The following RNLS variants were observed in gnomAD, a reference collection of about 807,000 sequenced individuals.
RNLS encodes renalase.
Under a neutral mutation model 39.8 loss-of-function variants are expected in RNLS, and 39 were observed. The ratio of observed to expected loss-of-function variants is 0.98; its 90% CI spans 0.76 to 1.28. The LOEUF (loss-of-function observed/expected upper bound fraction) is 1.28, where lower values mean the gene tolerates loss of function less well. Among genes scored for constraint, RNLS ranks in the 50% most tolerant of loss-of-function variants. RNLS has a pLI of 0.00. For missense variants in RNLS, 410 were observed against 413.3 expected (o/e 0.99, Z 0.07); for synonymous variants, 147 against 150.7 (o/e 0.98, Z 0.18).
intron 6 of RNLS, among the ~76,000 whole-genome samples, chr10:88,306,968 CCACCATGAT>C (rs1844966171): frequency 6.6e-6 from 1 of 152,146 alleles, no homozygotes; most frequent in Non-Finnish European, 1.5e-5. Context: ...AAAATCTTAT[CCACCATGAT>C]CAAGTAGGCT....
chr10:88,542,538 A>G (rs2576156), intron 4 of RNLS, among the ~76,000 whole-genome samples: 150,975 of 152,220 alleles, frequency 0.99, 74,876 homozygotes, highest in East Asian at 1. Context: ...TGTCCATGTC[A>G]CAGAAAAGGT....
intron 4 of RNLS, among the ~76,000 whole-genome samples, chr10:88,524,956 C>CACATATATATATATAT (rs768939981): frequency 1.3e-4 from 10 of 76,288 alleles, no homozygotes; most frequent in South Asian, 1.1e-3. Flanking sequence ...ATGGCACACA[C>CACATATATATATATAT]ATACATATAT....
At chr10:88,342,686 TAATTA>T (rs1227539940) in intron 5 of RNLS, among the ~76,000 whole-genome samples, 4 of 152,202 alleles carry the variant, frequency 2.6e-5, no homozygotes, top group African/African-American at 4.8e-5. Context: ...GAAACCATTT[TAATTA>T]AATTAGGACT....
intron 4 of RNLS, among the ~76,000 whole-genome samples, chr10:88,404,544 G>C (rs1414798760): frequency 1.3e-5 from 2 of 152,038 alleles, no homozygotes; most frequent in Non-Finnish European, 2.9e-5. Context: ...AGTGACAATA[G>C]AATAGTAATG....
intron 5 of RNLS, among the ~76,000 whole-genome samples, chr10:88,314,855 G>GA (rs1205883303): frequency 6.6e-6 from 1 of 152,158 alleles, no homozygotes; most frequent in Non-Finnish European, 1.5e-5. Flanking sequence ...AAGTTTTAGT[G>GA]AAAAATTGTC....
intron 4 of RNLS, among the ~76,000 whole-genome samples, chr10:88,572,026 T>A (rs1488220526): frequency 6.6e-6 from 1 of 152,202 alleles, no homozygotes. Flanking sequence ...CACAAGTTTC[T>A]GGTGGCAGTG....
intron 4 of RNLS, among the ~76,000 whole-genome samples, chr10:88,562,518 T>C (rs1197618902): frequency 6.6e-6 from 1 of 152,102 alleles, no homozygotes; most frequent in Non-Finnish European, 1.5e-5. Context: ...CAGTTAGCTC[T>C]GGGGAATGGA....
At chr10:88,366,979 T>G (rs1218698235) in intron 4 of RNLS, among the ~76,000 whole-genome samples, 2 of 151,882 alleles carry the variant, frequency 1.3e-5, no homozygotes, top group Non-Finnish European at 2.9e-5. Context: ...GTTCATGAAT[T>G]GCTAATAAAA....
the RNLS span, among the ~76,000 whole-genome samples, chr10:88,229,641 A>G: frequency 7.4e-6 from 1 of 134,312 alleles, no homozygotes; most frequent in Non-Finnish European, 1.6e-5. Context: ...CCCAAAAGAA[A>G]CCCTTTGTCC....
chr10:88,558,987 T>C (rs1849019457), intron 4 of RNLS, among the ~76,000 whole-genome samples: 1 of 152,164 alleles, frequency 6.6e-6, no homozygotes, highest in Admixed American at 6.6e-5. Flanking sequence ...TGAAGCATAC[T>C]ATTTGATGAA....
chr10:88,400,764 T>C (rs1852863311), intron 4 of RNLS, among the ~76,000 whole-genome samples: 2 of 151,114 alleles, frequency 1.3e-5, no homozygotes, highest in Admixed American at 6.6e-5. Flanking sequence ...AACAGGCATT[T>C]ATTAAATTCT....
chr10:88,231,269 G>A, the RNLS span, among the ~76,000 whole-genome samples: 1 of 152,194 alleles, frequency 6.6e-6, no homozygotes, highest in Non-Finnish European at 1.5e-5. Flanking sequence ...TATAAAAAGA[G>A]GAGATTAGGA....
At chr10:88,564,438 G>A (rs1007268798) in intron 4 of RNLS, among the ~76,000 whole-genome samples, 2 of 152,052 alleles carry the variant, frequency 1.3e-5, no homozygotes, top group East Asian at 1.9e-4. Flanking sequence ...TCAGAGGGTG[G>A]GGGGTGGAGA....
the RNLS span, among the ~76,000 whole-genome samples, chr10:88,193,371 G>A: frequency 5.9e-5 from 9 of 152,086 alleles, no homozygotes; most frequent in Non-Finnish European, 8.8e-5. Context: ...ACAGAACAGA[G>A]TGCGAACACA....
chr10:88,497,062 C>A (rs1845213824), intron 4 of RNLS, among the ~76,000 whole-genome samples: 3 of 151,954 alleles, frequency 2.0e-5, no homozygotes, highest in Non-Finnish European at 4.4e-5. Flanking sequence ...GAAGAATGAA[C>A]CTGATTGCTA....
chr10:88,521,722 G>A (rs916579421), intron 4 of RNLS, among the ~76,000 whole-genome samples: 6 of 152,014 alleles, frequency 3.9e-5, no homozygotes, highest in Admixed American at 3.3e-4. Flanking sequence ...GGGGCTTGGA[G>A]ACAGAAAGTA....
rs768891670 is a variant in RNLS at position 88,343,541 on chromosome 10, A to G, written c.700+19011T>C. The G allele has an allele frequency of 9.8e-5, 96 of 984,362 alleles. 1 individual carries two copies. Among genetic ancestry groups the G allele is most frequent in the Admixed American group, 3.1e-4 (5 of 16,262 alleles). The allele number at this position is 984,362 out of a possible 1,614,324, so 61.0% of individuals were successfully genotyped here. On this transcript the variant is annotated intron_variant, in intron 5 of 6. Coordinates refer to ENST00000331772, the MANE Select transcript of RNLS (RefSeq NM_001031709.3). Reference sequence around the variant, plus strand: ...TATTTTCCAAAAACAACAAAAAAGGAGTAAAACAACTCTCAAAAATATATT... The same window carrying G: ...TATTTTCCAAAAACAACAAAAAAGGGGTAAAACAACTCTCAAAAATATATT...
chr10:88,252,235 G>A, the RNLS span, among the ~76,000 whole-genome samples: 16 of 152,086 alleles, frequency 1.1e-4, no homozygotes, highest in African/African-American at 3.1e-4. Flanking sequence ...CCCACAACCC[G>A]GTGCACAGTA....
intron 6 of RNLS, among the ~76,000 whole-genome samples, chr10:88,302,354 T>A (rs117940422): frequency 6.6e-6 from 1 of 152,254 alleles, no homozygotes; most frequent in Non-Finnish European, 1.5e-5. Context: ...CTCTAACTGA[T>A]AAACACAATT....
Sources: gnomAD v4.1 joint callset for allele counts (sites outside exome capture counted in the v4.1 genomes callset) on GRCh38, gnomAD v4.1.1 for gene constraint, MANE v1.5 for transcripts, NCBI Gene and HGNC (gene_info 2026-07-23, HGNC 2026-07-21) for gene names.